TRHDE: variants seen among roughly 807,000 people sequenced by gnomAD.
TRHDE encodes thyrotropin releasing hormone degrading enzyme, also known as thyrotropin-releasing hormone-degrading ectoenzyme.
TRHDE carries 72 observed loss-of-function variants against 125.7 expected under a neutral mutation model. That is an observed-to-expected ratio of 0.57 (90% confidence interval 0.47 to 0.70). TRHDE has a LOEUF of 0.70. Among genes scored for constraint, TRHDE ranks in the 30% least tolerant of loss-of-function variants. The pLI is 0.00. For synonymous variants in TRHDE, 509 were observed against 509.1 expected (o/e 1.00, Z 0.00); for missense variants, 1,110 against 1,327.1 (o/e 0.84, Z 2.54).
chr12:72,294,820 C>T (rs1267665473), intron 2 of TRHDE, among the ~76,000 whole-genome samples: 1 of 152,004 alleles, frequency 6.6e-6, no homozygotes, highest in Non-Finnish European at 1.5e-5. Flanking sequence ...ACCTTGGCTT[C>T]CCTCCTATGC....
intron 1 of TRHDE, among the ~76,000 whole-genome samples, chr12:72,095,314 G>C (rs1874888353): frequency 6.6e-6 from 1 of 152,210 alleles, no homozygotes; most frequent in Non-Finnish European, 1.5e-5. Flanking sequence ...AGCTGGAAAA[G>C]AGAACAATAT....
At chr12:72,310,746 C>T (rs891001655) in intron 2 of TRHDE, among the ~76,000 whole-genome samples, 1 of 152,170 alleles carries the variant, frequency 6.6e-6, no homozygotes. Context: ...TTGCTTCCCT[C>T]GTGGATCTAT....
intron 6 of TRHDE, among the ~76,000 whole-genome samples, chr12:72,516,724 G>A (rs1272424540): frequency 6.6e-6 from 1 of 150,954 alleles, no homozygotes; most frequent in Non-Finnish European, 1.5e-5. Context: ...TCTTGTGCCA[G>A]TTTTCAAAGG....
chr12:72,353,145 T>G (rs1004911258), intron 2 of TRHDE, among the ~76,000 whole-genome samples: 1 of 151,728 alleles, frequency 6.6e-6, no homozygotes, highest in Non-Finnish European at 1.5e-5. Flanking sequence ...TAAAATGTAT[T>G]GGTCAGATTA....
intron 12 of TRHDE, among the ~76,000 whole-genome samples, chr12:72,598,844 G>T (rs997354754): frequency 7.2e-5 from 11 of 152,012 alleles, no homozygotes; most frequent in African/African-American, 2.7e-4. Flanking sequence ...AATGATCATA[G>T]TACTCAACAG....
chr12:72,663,247 C>A lies in TRHDE; in HGVS notation c.*52C>A, dbSNP rs73316872. ...CAACTCAGAAGTTTATGAGAAGACA[C>A]GCTTTTTGTGGAATGAGGAAAATGT... On this transcript the variant is annotated 3_prime_UTR_variant, in exon 19 of 19. Coordinates refer to ENST00000261180, the MANE Select transcript of TRHDE (RefSeq NM_013381.3). 3.5e-6 allele frequency: 5 copies of A among 1,436,302 alleles called. No homozygotes were observed. The highest frequency in any genetic ancestry group is 1.5e-5 in the South Asian group (1 of 68,174). The allele number at this position is 1,436,302 out of a possible 1,614,324, so 89.0% of individuals were successfully genotyped here.
chr12:72,122,554 GT>G (rs933915071), intron 2 of TRHDE, among the ~76,000 whole-genome samples: 4 of 151,774 alleles, frequency 2.6e-5, no homozygotes, highest in Non-Finnish European at 4.4e-5. Flanking sequence ...TTTCTAGAGA[GT>G]TTTTTTTCAA....
intron 3 of TRHDE, among the ~76,000 whole-genome samples, chr12:72,394,818 G>A (rs1872729823): frequency 6.6e-6 from 1 of 152,086 alleles, no homozygotes; most frequent in Non-Finnish European, 1.5e-5. Context: ...CTACCTGACT[G>A]GATGTAGGTG....
At chr12:72,355,074 G>T (rs188480791) in intron 2 of TRHDE, among the ~76,000 whole-genome samples, 1 of 151,440 alleles carries the variant, frequency 6.6e-6, no homozygotes, top group Admixed American at 6.6e-5. Context: ...TGAATACAAC[G>T]TGGGACCTCT....
At position 72,365,233 on chromosome 12, in the gene TRHDE, T is replaced by A. The variant is rs1694859271; in HGVS notation, c.1189-12762T>A. On this transcript the variant is annotated intron_variant, in intron 2 of 18. Coordinates refer to ENST00000261180, the MANE Select transcript of TRHDE (RefSeq NM_013381.3). ...ATATTTTCCCTGTGTGTTAGGCTTC[T>A]GCTAAATATTTCTTTCAAGCTTTGA... 1.3e-5 allele frequency among the ~76,000 whole-genome samples: 2 copies of A among 152,160 alleles called. 1 individual carries two copies. Among genetic ancestry groups the A allele is most frequent in the South Asian group, 4.1e-4 (2 of 4,834 alleles).
chr12:72,340,603 T>C (rs1008089105), intron 2 of TRHDE, among the ~76,000 whole-genome samples: 1 of 152,090 alleles, frequency 6.6e-6, no homozygotes, highest in African/African-American at 2.4e-5. Flanking sequence ...CTTCACTCTA[T>C]GCTGTTGTCC....
At chr12:72,113,690 C>G (rs762832646) in intron 2 of TRHDE, among the ~76,000 whole-genome samples, 18 of 151,948 alleles carry the variant, frequency 1.2e-4, no homozygotes, top group Non-Finnish European at 2.4e-4. Context: ...AGACTCACCC[C>G]TATTATTTAG....
At chr12:72,355,476 C>T (rs1389749635) in intron 2 of TRHDE, among the ~76,000 whole-genome samples, 1 of 151,654 alleles carries the variant, frequency 6.6e-6, no homozygotes. Context: ...TAGGCAATAC[C>T]ATTCTGGACA....
intron 2 of TRHDE, among the ~76,000 whole-genome samples, chr12:72,227,599 C>A (rs1878159487): frequency 6.6e-6 from 1 of 152,104 alleles, no homozygotes; most frequent in Admixed American, 6.6e-5. Context: ...CATTTCAAAA[C>A]CAATCATACC....
At chr12:72,204,140 T>G (rs1877617985) in intron 2 of TRHDE, among the ~76,000 whole-genome samples, 1 of 152,206 alleles carries the variant, frequency 6.6e-6, no homozygotes, top group African/African-American at 2.4e-5. Context: ...TTATATTTTT[T>G]GAACCATACA....
chr12:72,382,410 G>C (rs1337021486), intron 3 of TRHDE, among the ~76,000 whole-genome samples: 1 of 151,944 alleles, frequency 6.6e-6, no homozygotes, highest in Non-Finnish European at 1.5e-5. Context: ...CAGTGGGGAG[G>C]ATTCTGGGAA....
intron 12 of TRHDE, among the ~76,000 whole-genome samples, chr12:72,580,152 A>G (rs543641373): frequency 4.7e-4 from 72 of 152,148 alleles, no homozygotes; most frequent in Non-Finnish European, 8.8e-4. Flanking sequence ...CATCTTTTCA[A>G]ATTTGAGTTT....
chr12:72,572,030 A>G (rs1870761985), intron 10 of TRHDE, among the ~76,000 whole-genome samples: 1 of 115,116 alleles, frequency 8.7e-6, no homozygotes, highest in Non-Finnish European at 2.1e-5. Flanking sequence ...ATTTATTGCT[A>G]TGGTAGATTG....
intron 15 of TRHDE, among the ~76,000 whole-genome samples, chr12:72,638,071 G>A (rs1462595048): frequency 1.3e-5 from 2 of 148,486 alleles, no homozygotes; most frequent in Non-Finnish European, 3.0e-5. Context: ...TTGACTTTCT[G>A]TCTCGTTGAT....
Sources: gnomAD v4.1 joint callset for allele counts (sites outside exome capture counted in the v4.1 genomes callset) on GRCh38, gnomAD v4.1.1 for gene constraint, MANE v1.5 for transcripts, NCBI Gene and HGNC (gene_info 2026-07-23, HGNC 2026-07-21) for gene names.